Variants in LRRTM4 observed in about 807,000 individuals in gnomAD.
LRRTM4 encodes leucine-rich repeat transmembrane neuronal protein 4.
A neutral mutation model predicts 47.6 loss-of-function variants in LRRTM4; 25 were observed. That is an observed-to-expected ratio of 0.53 (90% CI 0.38 to 0.73). The LOEUF (loss-of-function observed/expected upper bound fraction) is 0.73. LRRTM4 is among the 30% of genes least tolerant of loss of function. The probability of loss-of-function intolerance (pLI) is 0.00; values close to 1 mark genes in which losing one functional copy is unlikely to be tolerated. For synonymous variants in LRRTM4, 311 were observed against 269.5 expected (o/e 1.15, Z -1.51); for missense variants, 638 against 713.4 (o/e 0.89, Z 1.20).
chr2:77,340,993 T>C (rs890465441), intron 3 of LRRTM4, among the ~76,000 whole-genome samples: 1 of 151,872 alleles, frequency 6.6e-6, no homozygotes, highest in Non-Finnish European at 1.5e-5. Context: ...AATTCCAATT[T>C]TTAGATGTTC....
At chr2:76,798,875 C>A (rs1490545155) in intron 3 of LRRTM4, among the ~76,000 whole-genome samples, 1 of 152,192 alleles carries the variant, frequency 6.6e-6, no homozygotes, top group East Asian at 1.9e-4. Context: ...TTCGTGGACA[C>A]ATGCACTCTC....
chr2:76,880,399 T>C (rs1176337388), intron 3 of LRRTM4, among the ~76,000 whole-genome samples: 1 of 152,196 alleles, frequency 6.6e-6, no homozygotes, highest in African/African-American at 2.4e-5. Flanking sequence ...GCTCAGATTA[T>C]CCTTAGAAAT....
At chr2:77,259,372 C>CTG (rs1675857093) in intron 3 of LRRTM4, among the ~76,000 whole-genome samples, 1 of 152,056 alleles carries the variant, frequency 6.6e-6, no homozygotes, top group Non-Finnish European at 1.5e-5. Context: ...GAGTGCTTGA[C>CTG]AGATAGCAAT....
At chr2:76,766,337 C>T (rs1485444258) in intron 3 of LRRTM4, among the ~76,000 whole-genome samples, 2 of 152,110 alleles carry the variant, frequency 1.3e-5, no homozygotes, top group Admixed American at 6.6e-5. Flanking sequence ...TCATGGTATC[C>T]AACTGGGGAC....
chr2:77,048,952 C>A (rs988534778), intron 3 of LRRTM4, among the ~76,000 whole-genome samples: 2 of 151,352 alleles, frequency 1.3e-5, no homozygotes, highest in Non-Finnish European at 3.0e-5. Flanking sequence ...TTAATAACCA[C>A]CACTCTACTC....
chr2:77,490,704 G>A (rs75007639), intron 3 of LRRTM4, among the ~76,000 whole-genome samples: 2,094 of 152,172 alleles, frequency 0.014, 55 homozygotes, highest in African/African-American at 0.048. Context: ...TTTGAACTGC[G>A]TCTGAAAGCA....
chr2:77,066,302 C>T (rs1255647020), intron 3 of LRRTM4, among the ~76,000 whole-genome samples: 1 of 152,134 alleles, frequency 6.6e-6, no homozygotes. Context: ...ACTACTGAGT[C>T]TGTTGTATTA....
intron 3 of LRRTM4, among the ~76,000 whole-genome samples, chr2:77,043,586 A>G (rs1323490891): frequency 1.3e-5 from 2 of 151,792 alleles, no homozygotes; most frequent in African/African-American, 4.8e-5. Context: ...TGCAAGAGAG[A>G]AGAGAGAGAA....
chr2:76,987,586 C>A (rs947231800), intron 3 of LRRTM4: 1 of 151,686 alleles, frequency 6.6e-6, no homozygotes, highest in Non-Finnish European at 1.5e-5. Flanking sequence ...GATGTGGTAA[C>A]AATTTCAAAA....
At chr2:76,917,426 G>A (rs867380148) in intron 3 of LRRTM4, among the ~76,000 whole-genome samples, 91 of 152,238 alleles carry the variant, frequency 6.0e-4, no homozygotes, top group African/African-American at 2.1e-3. Flanking sequence ...CATTGGAGGA[G>A]TTAACTCCCT....
chr2:76,827,117 C>A (rs1255203720), intron 3 of LRRTM4, among the ~76,000 whole-genome samples: 1 of 151,818 alleles, frequency 6.6e-6, no homozygotes, highest in African/African-American at 2.4e-5. Flanking sequence ...TTTGACTTGG[C>A]TTCTTCTCAT....
rs926686954 is a variant in LRRTM4, at chr2:76,764,294, A to G, written c.1552-15378T>C. ...GAGAAAGCATGTTCTAAAGAGAACA[A>G]TAAGGCTGTGACTGGACCATTACTT... is the stretch of plus-strand genomic sequence containing the variant. On this transcript the variant is annotated intron_variant, in intron 3 of 3. Transcript: ENST00000409884. Among the ~76,000 whole-genome samples the G allele has an allele frequency of 3.3e-5, 5 of 152,338 alleles. No individual in the cohort carries two copies. In the East Asian group the frequency reaches 7.7e-4, roughly 24 times the overall value.
intron 3 of LRRTM4, among the ~76,000 whole-genome samples, chr2:77,210,898 G>A (rs1674274458): frequency 6.6e-6 from 1 of 152,142 alleles, no homozygotes; most frequent in African/African-American, 2.4e-5. Flanking sequence ...TGTAGTGTCA[G>A]GTGAGTACAG....
rs1558707308 is a variant in LRRTM4 at position 77,362,135 on chromosome 2, A to AAGAAAGAAAGAAAGAC, written c.1551+156182_1551+156183insGTCTTTCTTTCTTTCT. On this transcript the variant is annotated intron_variant, in intron 3 of 3. Transcript: ENST00000409884. The stretch of plus-strand genomic sequence containing the variant: ...AAAGAGAGAAAGAAAGAAAGAAAGA[A>AAGAAAGAAAGAAAGAC]AGAAAGAAAGAAAGAAAGAAAGAAA... 2.3e-5 allele frequency among the ~76,000 whole-genome samples: 3 copies of AAGAAAGAAAGAAAGAC among 129,070 alleles called. No individual in the cohort carries two copies. In the East Asian group the frequency reaches 9.8e-4, roughly 42 times the overall value. 84.7% of individuals were successfully genotyped at this position (129,070 alleles called of 152,430 possible).
chr2:76,881,494 G>A (rs1206982748), intron 3 of LRRTM4, among the ~76,000 whole-genome samples: 2 of 135,472 alleles, frequency 1.5e-5, no homozygotes, highest in Admixed American at 7.6e-5. Context: ...GCTTTTAAAT[G>A]TGTTCTTGCA....
chr2:77,013,630 T>C (rs1677954002), intron 3 of LRRTM4, among the ~76,000 whole-genome samples: 1 of 152,166 alleles, frequency 6.6e-6, no homozygotes, highest in East Asian at 1.9e-4. Flanking sequence ...GTCTTTGGCT[T>C]GTCTTCAGTG....
chr2:77,371,090 A>T (rs776312093), intron 3 of LRRTM4, among the ~76,000 whole-genome samples: 5 of 151,768 alleles, frequency 3.3e-5, no homozygotes, highest in Non-Finnish European at 5.9e-5. Context: ...AGGGAATGTT[A>T]TTCATCCATT....
intron 3 of LRRTM4, among the ~76,000 whole-genome samples, chr2:76,836,123 G>A (rs1200832107): frequency 1.4e-5 from 2 of 147,448 alleles, no homozygotes; most frequent in African/African-American, 2.5e-5. Context: ...TGTATTTGAA[G>A]ACAGTTTTCC....
At chr2:77,053,129 C>G (rs1328489357) in intron 3 of LRRTM4, among the ~76,000 whole-genome samples, 1 of 152,138 alleles carries the variant, frequency 6.6e-6, no homozygotes, top group African/African-American at 2.4e-5. Context: ...GAAACCGTAA[C>G]TAGTAGACAA....
Sources: allele counts gnomAD v4.1 joint callset (sites outside exome capture counted in the v4.1 genomes callset), GRCh38; gene constraint gnomAD v4.1.1; transcripts MANE v1.5; gene names NCBI Gene and HGNC (gene_info 2026-07-23, HGNC 2026-07-21).